GAS7: variants seen among roughly 807,000 people sequenced by gnomAD.
The protein encoded by GAS7 is growth arrest-specific protein 7.
A neutral mutation model predicts 71.1 loss-of-function variants in GAS7; 28 were observed. The observed-to-expected ratio is 0.39, with a 90% CI of 0.29 to 0.54. GAS7 has a LOEUF of 0.54. GAS7 is among the 20% of genes least tolerant of loss of function. GAS7 has a pLI of 0.62. For missense variants in GAS7, 436 were observed against 627.8 expected, an observed-to-expected ratio of 0.69 and a Z score of 3.27; for synonymous variants, 258 against 245.8, an observed-to-expected ratio of 1.05 and a Z score of -0.46.
At chr17:10,168,201 G>C (rs1281356384) in intron 1 of GAS7, among the ~76,000 whole-genome samples, 3 of 151,844 alleles carry the variant, frequency 2.0e-5, no homozygotes, top group Non-Finnish European at 4.4e-5. Flanking sequence ...CCATACTATA[G>C]AATACCACAC....
intron 1 of GAS7, among the ~76,000 whole-genome samples, chr17:10,020,455 G>A (rs1471234134): frequency 5.9e-5 from 9 of 152,208 alleles, no homozygotes; most frequent in African/African-American, 1.2e-4. Context: ...CAAAAAGAAC[G>A]AGGACTCGGA....
intron 3 of GAS7, among the ~76,000 whole-genome samples, chr17:9,979,369 T>G (rs2070326061): frequency 6.6e-6 from 1 of 152,152 alleles, no homozygotes; most frequent in South Asian, 2.1e-4. Context: ...CATCTCTATA[T>G]CTGACCTTCT....
intron 1 of GAS7, among the ~76,000 whole-genome samples, chr17:10,059,369 T>A (rs952014944): frequency 4.6e-5 from 7 of 152,014 alleles, no homozygotes; most frequent in African/African-American, 1.7e-4. Context: ...CTGAGGTAAA[T>A]CCCCGGAAAT....
At chr17:10,183,820 C>T (rs1261174569) in intron 1 of GAS7, among the ~76,000 whole-genome samples, 4 of 151,288 alleles carry the variant, frequency 2.6e-5, no homozygotes, top group African/African-American at 7.3e-5. Context: ...CCAGCCTGGG[C>T]GACAGAGCGA....
Position 10,007,907 on chromosome 17 carries a change from C to G in GAS7, c.304+11870G>C, listed in dbSNP as rs79345075. Among the ~76,000 whole-genome samples the G allele has an allele frequency of 4.9e-3, 750 of 152,254 alleles. 10 individuals are homozygous for G. The highest frequency in any genetic ancestry group is 0.017 in the African/African-American group (701 of 41,546). On this transcript the variant is annotated intron_variant, in intron 2 of 13. Transcript: ENST00000432992. ...CACTCGCCATTAATTCCAGCTCCCC[C>G]CCGCAACCACCAGGGTGGTTTTCTG...
intron 2 of GAS7, among the ~76,000 whole-genome samples, chr17:9,982,563 G>A (rs889744251): frequency 6.6e-6 from 1 of 152,056 alleles, no homozygotes; most frequent in Non-Finnish European, 1.5e-5. Flanking sequence ...GATCACTTGA[G>A]GTCAGGAGTT....
At chr17:10,008,502 T>C (rs1008125919) in intron 2 of GAS7, among the ~76,000 whole-genome samples, 1 of 152,256 alleles carries the variant, frequency 6.6e-6, no homozygotes, top group African/African-American at 2.4e-5. Flanking sequence ...AACTTCATAC[T>C]AGCAGTGTGA....
rs529866905 is a variant in GAS7, at chr17:10,146,712, C to T, written c.183+51496G>A. 7.2e-5 allele frequency among the ~76,000 whole-genome samples: 11 copies of T among 152,104 alleles called. No homozygotes were observed. The South Asian group carries it at 1.2e-3, about 17-fold the overall frequency. Reference sequence around the variant, plus strand: ...CAGCGTAAAGATCTCTGGCCGGGCGCGGTGGCTCACACCTGTAATCCCAGC... The same window carrying T: ...CAGCGTAAAGATCTCTGGCCGGGCGTGGTGGCTCACACCTGTAATCCCAGC... On this transcript the variant is annotated intron_variant, in intron 1 of 13. Coordinates refer to ENST00000432992, the MANE Select transcript of GAS7 (RefSeq NM_201433.2).
intron 3 of GAS7, among the ~76,000 whole-genome samples, chr17:9,971,677 C>T (rs146167528): frequency 3.9e-5 from 6 of 152,084 alleles, no homozygotes; most frequent in African/African-American, 1.2e-4. Flanking sequence ...CAGGACGATG[C>T]GCCATCCCGT....
At chr17:10,126,159 A>C (rs1483434944) in intron 1 of GAS7, among the ~76,000 whole-genome samples, 1 of 152,188 alleles carries the variant, frequency 6.6e-6, no homozygotes, top group Non-Finnish European at 1.5e-5. Context: ...GGACTCAAGG[A>C]AGGGGAAGGG....
intron 1 of GAS7, among the ~76,000 whole-genome samples, chr17:10,192,101 C>T (rs1337366148): frequency 1.3e-5 from 2 of 152,148 alleles, no homozygotes; most frequent in African/African-American, 4.8e-5. Context: ...AAACTTCTCA[C>T]AGTTCATATA....
intron 1 of GAS7, among the ~76,000 whole-genome samples, chr17:10,042,993 G>C (rs1468392628): frequency 6.6e-6 from 1 of 152,166 alleles, no homozygotes. Flanking sequence ...GTGGGGAGTA[G>C]GGGTGAGTCT....
At chr17:10,197,039 G>A (rs1349759430) in intron 1 of GAS7, among the ~76,000 whole-genome samples, 1 of 152,172 alleles carries the variant, frequency 6.6e-6, no homozygotes, top group Non-Finnish European at 1.5e-5. Context: ...CTTTAGGAGA[G>A]ATTTTGTTGT....
chr17:10,085,821 A>G (rs1408832744), intron 1 of GAS7, among the ~76,000 whole-genome samples: 1 of 152,196 alleles, frequency 6.6e-6, no homozygotes, highest in African/African-American at 2.4e-5. Flanking sequence ...GGATTATCCC[A>G]ATTTACCTAT....
intron 1 of GAS7, among the ~76,000 whole-genome samples, chr17:10,049,266 T>C (rs2073027508): frequency 6.6e-6 from 1 of 152,212 alleles, no homozygotes; most frequent in African/African-American, 2.4e-5. Context: ...TCATATTGAA[T>C]GGACCAAGTC....
At chr17:10,141,282 A>C (rs188078873) in intron 1 of GAS7, among the ~76,000 whole-genome samples, 28 of 152,326 alleles carry the variant, frequency 1.8e-4, no homozygotes, top group African/African-American at 5.8e-4. Flanking sequence ...ACCCGTCTCT[A>C]CTAAAAATAC....
chr17:10,005,092 C>G (rs1019122134), intron 2 of GAS7, among the ~76,000 whole-genome samples: 3 of 143,500 alleles, frequency 2.1e-5, no homozygotes, highest in African/African-American at 8.1e-5. Flanking sequence ...CGTGTGTGCA[C>G]GCATACATGC....
Position 9,981,166 on chromosome 17 carries a change from C to A in GAS7, c.385+638G>T, listed in dbSNP as rs926554521. On this transcript the variant is annotated intron_variant, in intron 3 of 13. Transcript: ENST00000432992. This position sits in a 1 kb window ranked among gnomAD's most constrained non-coding sequence, Gnocchi z 4.4. ...AATTAGCCGGGTGTGGTGGTGCGCA[C>A]CTGCAATCGCAGCTACTCGGGAGGC... Among the ~76,000 whole-genome samples the A allele has an allele frequency of 5.3e-5, 8 of 152,048 alleles. No homozygotes were observed. The highest frequency in any genetic ancestry group is 1.7e-4 in the African/African-American group (7 of 41,404).
chr17:9,990,793 C>A (rs957039334), intron 2 of GAS7, among the ~76,000 whole-genome samples: 1 of 152,118 alleles, frequency 6.6e-6, no homozygotes, highest in African/African-American at 2.4e-5. Flanking sequence ...GTATGGTTCC[C>A]GGACCAGCAA....
Sources: allele counts gnomAD v4.1 joint callset (sites outside exome capture counted in the v4.1 genomes callset), GRCh38; gene constraint gnomAD v4.1.1; non-coding constraint Gnocchi (gnomAD v3.1); transcripts MANE v1.5; gene names NCBI Gene and HGNC (gene_info 2026-07-23, HGNC 2026-07-21).